Variants in CSMD3 observed in about 807,000 individuals in gnomAD.
CSMD3 encodes CUB and sushi domain-containing protein 3.
Under a neutral mutation model 435.2 loss-of-function variants are expected in CSMD3, and 177 were observed. The ratio of observed to expected loss-of-function variants is 0.41; its 90% confidence interval spans 0.36 to 0.46. The LOEUF (loss-of-function observed/expected upper bound fraction) is 0.46. Ranked by LOEUF, CSMD3 falls within the 20% of genes least tolerant of loss-of-function variation. The probability of loss-of-function intolerance (pLI) is 0.34; values close to 1 mark genes in which losing one functional copy is unlikely to be tolerated. For synonymous variants in CSMD3, 1,656 were observed against 1,520.5 expected, an observed-to-expected ratio of 1.09 and a Z score of -2.07; for missense variants, 4,265 against 4,504.6, an observed-to-expected ratio of 0.95 and a Z score of 1.52.
chr8:112,914,521 A>G (rs1430014821), intron 10 of CSMD3, among the ~76,000 whole-genome samples: 1 of 151,628 alleles, frequency 6.6e-6, no homozygotes, highest in African/African-American at 2.4e-5. Flanking sequence ...AGAAGAACAT[A>G]CTTCATGCCT....
intron 31 of CSMD3, among the ~76,000 whole-genome samples, chr8:112,484,495 A>C (rs1038205182): frequency 2.8e-5 from 4 of 141,540 alleles, no homozygotes; most frequent in Non-Finnish European, 4.8e-5. Context: ...CAACACACCC[A>C]CACACACACA....
chr8:113,079,213 T>C (rs1186291807), intron 5 of CSMD3, among the ~76,000 whole-genome samples: 1 of 152,164 alleles, frequency 6.6e-6, no homozygotes. Flanking sequence ...CAATTTGGGA[T>C]TTCTCAGAAT....
intron 13 of CSMD3, among the ~76,000 whole-genome samples, chr8:112,748,043 CAACTGCTGACAACAG>C (rs1229949618): frequency 6.6e-6 from 1 of 150,582 alleles, no homozygotes; most frequent in Non-Finnish European, 1.5e-5. Context: ...TTGTTTTAAG[CAACTGCTGACAACAG>C]GAAAAGACTG....
chr8:112,253,257 T>C (rs993172653), intron 63 of CSMD3, among the ~76,000 whole-genome samples: 5 of 151,912 alleles, frequency 3.3e-5, no homozygotes, highest in African/African-American at 1.2e-4. Context: ...GATCAATTGA[T>C]AAAACCTTTT....
At chr8:112,323,624 A>C (rs907139751) in intron 45 of CSMD3, among the ~76,000 whole-genome samples, 1 of 152,098 alleles carries the variant, frequency 6.6e-6, no homozygotes, top group Non-Finnish European at 1.5e-5. Context: ...AAGCTAAGGA[A>C]TGCCAAAGAT....
chr8:112,423,028 T>G (rs1057282018), intron 32 of CSMD3, among the ~76,000 whole-genome samples: 2 of 152,202 alleles, frequency 1.3e-5, no homozygotes, highest in African/African-American at 4.8e-5. Flanking sequence ...AAGGAGTTAT[T>G]GAAATAAATC....
intron 64 of CSMD3, among the ~76,000 whole-genome samples, chr8:112,244,803 T>G (rs1206150766): frequency 5.9e-5 from 9 of 151,990 alleles, no homozygotes; most frequent in Admixed American, 5.9e-4. Flanking sequence ...TGTTAATAGA[T>G]GTTAAATAAA....
intron 1 of CSMD3, among the ~76,000 whole-genome samples, chr8:113,318,296 G>T (rs1357282013): frequency 6.6e-6 from 1 of 151,972 alleles, no homozygotes; most frequent in African/African-American, 2.4e-5. Flanking sequence ...TTTCATTTTT[G>T]CTTTTTAAGA....
intron 53 of CSMD3, among the ~76,000 whole-genome samples, chr8:112,298,557 TA>T (rs1485945146): frequency 4.6e-5 from 7 of 152,012 alleles, no homozygotes; most frequent in Non-Finnish European, 7.4e-5. Flanking sequence ...AGTCATAGAA[TA>T]AGAGAAAATA....
At chr8:113,193,481 A>T (rs2092613582) in intron 3 of CSMD3, among the ~76,000 whole-genome samples, 1 of 143,300 alleles carries the variant, frequency 7.0e-6, no homozygotes, top group Admixed American at 7.7e-5. Context: ...GTGACTTAAG[A>T]TTCAACCTTC....
At chr8:112,973,252 A>C (rs963776923) in intron 7 of CSMD3, among the ~76,000 whole-genome samples, 3 of 151,974 alleles carry the variant, frequency 2.0e-5, no homozygotes, top group Admixed American at 2.0e-4. Flanking sequence ...TGTGGATAAT[A>C]GATCAGAGGA....
intron 13 of CSMD3, among the ~76,000 whole-genome samples, chr8:112,719,396 T>G (rs1406137065): frequency 1.3e-5 from 2 of 152,198 alleles, no homozygotes; most frequent in African/African-American, 4.8e-5. Flanking sequence ...GGCTTAAACT[T>G]AAGACTTGGC....
chr8:113,327,121 T>C (rs1180423368), intron 1 of CSMD3, among the ~76,000 whole-genome samples: 1 of 152,180 alleles, frequency 6.6e-6, no homozygotes, highest in African/African-American at 2.4e-5. Context: ...CTAAAGTATT[T>C]CAAATTAGAG....
At position 112,896,700 on chromosome 8, in the gene CSMD3, T is replaced by C. The variant is rs148392557; in HGVS notation, c.1633+24927A>G. On this transcript the variant is annotated intron_variant, in intron 10 of 70. Coordinates refer to ENST00000297405, the MANE Select transcript of CSMD3 (RefSeq NM_198123.2). ...TTTCATTCTTTATATTCCATCCATG[T>C]ATTTTGTTTCCATTTATATTTATTC... Among the ~76,000 whole-genome samples the C allele has an allele frequency of 4.9e-3, 747 of 151,658 alleles. 12 individuals are homozygous for C. The highest frequency in any genetic ancestry group is 0.017 in the African/African-American group (720 of 41,480).
intron 36 of CSMD3, among the ~76,000 whole-genome samples, chr8:112,388,849 A>G (rs190264671): frequency 6.6e-6 from 1 of 152,340 alleles, no homozygotes; most frequent in East Asian, 1.9e-4. Flanking sequence ...CAGAGAGAGT[A>G]AAGTGAAATG....
chr8:113,275,105 A>T (rs866892654), intron 3 of CSMD3, among the ~76,000 whole-genome samples: 3 of 152,116 alleles, frequency 2.0e-5, no homozygotes, highest in Non-Finnish European at 2.9e-5. Flanking sequence ...ATTGTAATTC[A>T]TATGTATAGA....
chr8:113,349,723 T>C (rs2094176724), intron 1 of CSMD3, among the ~76,000 whole-genome samples: 1 of 152,116 alleles, frequency 6.6e-6, no homozygotes, highest in African/African-American at 2.4e-5. Context: ...GCCCTTAAAT[T>C]GATATTATAT....
chr8:113,260,427 TG>T (rs1017539400), intron 3 of CSMD3, among the ~76,000 whole-genome samples: 21 of 152,066 alleles, frequency 1.4e-4, no homozygotes, highest in African/African-American at 4.6e-4. Flanking sequence ...TCACTATGTG[TG>T]GGGGTATCAT....
At chr8:112,301,380 G>A (rs1429919727) in intron 53 of CSMD3, among the ~76,000 whole-genome samples, 6 of 151,704 alleles carry the variant, frequency 4.0e-5, no homozygotes, top group East Asian at 1.9e-4. Flanking sequence ...GAAATAAAAC[G>A]GAAGAAAGGT....
Sources: allele counts gnomAD v4.1 joint callset (sites outside exome capture counted in the v4.1 genomes callset), GRCh38; gene constraint gnomAD v4.1.1; transcripts MANE v1.5; gene names NCBI Gene and HGNC (gene_info 2026-07-23, HGNC 2026-07-21).